The following SHC4 variants were observed in gnomAD, a reference collection of about 807,000 sequenced individuals.
The protein encoded by SHC4 is SHC-transforming protein 4.
A neutral mutation model predicts 69.4 loss-of-function variants in SHC4; 41 were observed. The ratio of observed to expected loss-of-function variants is 0.59; its 90% confidence interval spans 0.46 to 0.77. SHC4 has a LOEUF of 0.77. SHC4 is among the 30% of genes least tolerant of loss of function. The pLI is 0.00. For missense variants in SHC4, 777 were observed against 783.8 expected (o/e 0.99, Z 0.10); for synonymous variants, 318 against 299.3 (o/e 1.06, Z -0.64).
chr15:48,935,998 T>C (rs2141030686), intron 1 of SHC4, among the ~76,000 whole-genome samples: 1 of 152,260 alleles, frequency 6.6e-6, no homozygotes. Context: ...TTTATTTGCT[T>C]TTCTACAGAG....
At chr15:48,872,488 T>C (rs919588116) in intron 4 of SHC4, among the ~76,000 whole-genome samples, 52 of 152,206 alleles carry the variant, frequency 3.4e-4, no homozygotes, top group African/African-American at 1.2e-3. Flanking sequence ...TTAAAAACTA[T>C]GTAAGCCCAA....
intron 6 of SHC4, among the ~76,000 whole-genome samples, chr15:48,862,196 G>T (rs73402203): frequency 0.21 from 30,731 of 146,074 alleles, 3,223 homozygotes; most frequent in South Asian, 0.3. Flanking sequence ...TGGTTTTGGG[G>T]TTTTTTTTTT....
intron 4 of SHC4, among the ~76,000 whole-genome samples, chr15:48,881,055 T>C (rs1375379150): frequency 6.6e-6 from 1 of 151,508 alleles, no homozygotes; most frequent in Non-Finnish European, 1.5e-5. Flanking sequence ...AAAGGAGTTC[T>C]GGGGAAATTC....
chr15:48,887,659 A>C (rs1900059251), intron 3 of SHC4, among the ~76,000 whole-genome samples: 1 of 152,188 alleles, frequency 6.6e-6, no homozygotes, highest in African/African-American at 2.4e-5. Flanking sequence ...AGATTAGAAC[A>C]CAGATAAAAT....
chr15:48,851,255 G>C lies in SHC4; in HGVS notation c.1243-7C>G. The C allele has an allele frequency of 6.2e-7, 1 of 1,613,756 alleles. No homozygotes were observed. Among genetic ancestry groups the C allele is most frequent in the East Asian group, 2.2e-5 (1 of 44,868 alleles). On this transcript the variant is annotated splice_polypyrimidine_tract_variant and splice_region_variant and intron_variant, in intron 8 of 11. Transcript: ENST00000332408. The stretch of plus-strand genomic sequence containing the variant: ...TGCACTTGGAGTTTCCAGGCTGCAT[G>C]AACAACAAATTATGAAACATTTACA...
At chr15:48,851,923 T>C (rs1313885475) in intron 8 of SHC4, among the ~76,000 whole-genome samples, 4 of 152,162 alleles carry the variant, frequency 2.6e-5, no homozygotes, top group African/African-American at 9.7e-5. Context: ...ACGGGAAAGT[T>C]TGGATAGACT....
At chr15:48,930,484 T>C (rs1054283195) in intron 1 of SHC4, among the ~76,000 whole-genome samples, 2 of 152,122 alleles carry the variant, frequency 1.3e-5, no homozygotes, top group Admixed American at 6.6e-5. Context: ...GGTAAGTTTA[T>C]AATAAGAGTG....
Position 48,825,737 on chromosome 15 carries a change from A to G in SHC4, c.*234T>C, listed in dbSNP as rs1211628562. ...GCCTTAAAAAGTGACATCCGTGCAT[A>G]CATATAATTTCTTTTAAAATGACCA... On this transcript the variant is annotated 3_prime_UTR_variant, in exon 12 of 12. Transcript: ENST00000332408. 2.2e-6 allele frequency: 1 copy of G among 459,510 alleles called. No homozygotes were observed. Among genetic ancestry groups the G allele is most frequent in the African/African-American group, 2.0e-5 (1 of 50,270 alleles). The allele number at this position is 459,510 out of a possible 1,614,324, so 28.5% of individuals were successfully genotyped here.
intron 1 of SHC4, among the ~76,000 whole-genome samples, chr15:48,960,498 C>T (rs1050144349): frequency 6.6e-5 from 10 of 152,118 alleles, no homozygotes; most frequent in South Asian, 2.1e-4. Context: ...TGGGTGAGGG[C>T]GAGAGCTGCA....
intron 5 of SHC4, among the ~76,000 whole-genome samples, chr15:48,870,801 T>C (rs1899659156): frequency 6.6e-6 from 1 of 152,270 alleles, no homozygotes; most frequent in Non-Finnish European, 1.5e-5. Flanking sequence ...ATATATTTTA[T>C]ACACAGGTAA....
chr15:48,957,226 C>T (rs1191420728), intron 1 of SHC4, among the ~76,000 whole-genome samples: 2 of 152,110 alleles, frequency 1.3e-5, no homozygotes, highest in African/African-American at 2.4e-5. Context: ...GATATGCGTG[C>T]CTCAGCCTCC....
intron 1 of SHC4, among the ~76,000 whole-genome samples, chr15:48,930,369 C>T (rs1012795746): frequency 2.0e-5 from 3 of 152,226 alleles, no homozygotes; most frequent in African/African-American, 7.2e-5. Context: ...GGTGAAATCT[C>T]TTTTTATACA....
chr15:48,830,463 C>T (rs1304951403), intron 11 of SHC4, among the ~76,000 whole-genome samples: 1 of 152,116 alleles, frequency 6.6e-6, no homozygotes, highest in Non-Finnish European at 1.5e-5. Flanking sequence ...CAATGGTGAT[C>T]CCATAAGCTT....
chr15:48,832,759 T>C (rs959293202), intron 11 of SHC4, among the ~76,000 whole-genome samples: 8 of 152,254 alleles, frequency 5.3e-5, no homozygotes, highest in Admixed American at 5.2e-4. Context: ...TGTTGTTCCT[T>C]TTTCTGAAGA....
At position 48,834,983 on chromosome 15, in the gene SHC4, GGC is replaced by G; in HGVS notation, c.1521_1522del (p.Gln507HisfsTer11). 1 of 1,613,010 alleles carries G rather than the reference GGC, an allele frequency of 6.2e-7. No homozygotes were observed. Among genetic ancestry groups the G allele is most frequent in the African/African-American group, 1.3e-5 (1 of 75,046 alleles). ...GTGTGGCAAAGAATGTGAGCTGGCA[GGC>G]TGGGCTGTGGCACCCGGCTGAACAG... On this transcript the variant is annotated frameshift_variant, in exon 11 of 12. Coordinates refer to ENST00000332408, the MANE Select transcript of SHC4 (RefSeq NM_203349.4). LOFTEE classifies it high-confidence loss of function.
In SHC4 at chr15:48,834,218, C is replaced by T. The variant is rs1039613166; in HGVS notation, c.1737+551G>A. Among the ~76,000 whole-genome samples, 17 of 152,196 alleles carry T rather than the reference C, an allele frequency of 1.1e-4. 1 individual carries two copies. The highest frequency in any genetic ancestry group is 1.0e-3 in the Admixed American group (16 of 15,280). ...TAATACCATTCTATTACTCTGTCTG[C>T]ACCTATGGTTCCTTCTCTATACTCC... On this transcript the variant is annotated intron_variant, in intron 11 of 11. Coordinates refer to ENST00000332408, the MANE Select transcript of SHC4 (RefSeq NM_203349.4).
chr15:48,850,107 G>C (rs1899179241), intron 9 of SHC4, among the ~76,000 whole-genome samples: 1 of 152,172 alleles, frequency 6.6e-6, no homozygotes, highest in Non-Finnish European at 1.5e-5. Flanking sequence ...GGAGGCTGAG[G>C]CAGGAGAATC....
chr15:48,856,902 C>T (rs560225284), intron 7 of SHC4, among the ~76,000 whole-genome samples: 2 of 152,186 alleles, frequency 1.3e-5, no homozygotes, highest in Admixed American at 1.3e-4. Flanking sequence ...GAAGTGCTAT[C>T]CTGGGAAAAA....
chr15:48,902,358 G>A (rs1039815938), intron 2 of SHC4, among the ~76,000 whole-genome samples: 1 of 152,142 alleles, frequency 6.6e-6, no homozygotes, highest in Non-Finnish European at 1.5e-5. Context: ...GATGGTATAA[G>A]TTTCTATAAA....
Sources: gnomAD v4.1 joint callset for allele counts (sites outside exome capture counted in the v4.1 genomes callset) on GRCh38, gnomAD v4.1.1 for gene constraint, MANE v1.5 for transcripts, NCBI Gene and HGNC (gene_info 2026-07-23, HGNC 2026-07-21) for gene names.